Variants in AGMO observed in about 807,000 individuals in gnomAD.
The protein encoded by AGMO is alkylglycerol monooxygenase.
A neutral mutation model predicts 60.2 loss-of-function variants in AGMO; 75 were observed. The ratio of observed to expected loss-of-function variants is 1.25; its 90% CI spans 1.03 to 1.51. The LOEUF is 1.51. Among genes scored for constraint, AGMO ranks in the 40% most tolerant of loss-of-function variants. The pLI, the probability that AGMO is intolerant of heterozygous loss-of-function variation, is 0.00. For missense variants in AGMO, 763 were observed against 525.5 expected, an observed-to-expected ratio of 1.45 and a Z score of -4.42; for synonymous variants, 261 against 177.1, an observed-to-expected ratio of 1.47 and a Z score of -3.76.
chr7:15,241,421 C>A (rs1184698583), intron 12 of AGMO, among the ~76,000 whole-genome samples: 19 of 124,026 alleles, frequency 1.5e-4, no homozygotes, highest in African/African-American at 5.9e-4. Flanking sequence ...GATAGCGCCA[C>A]TGCAGTCCAG....
intron 5 of AGMO, among the ~76,000 whole-genome samples, chr7:15,405,264 C>T (rs956284103): frequency 5.9e-5 from 9 of 151,810 alleles, no homozygotes; most frequent in South Asian, 2.1e-4. Context: ...ACAATCAGTG[C>T]GTTCATTCAT....
intron 3 of AGMO, among the ~76,000 whole-genome samples, chr7:15,436,134 G>A (rs1348851921): frequency 1.3e-5 from 2 of 152,184 alleles, no homozygotes; most frequent in Admixed American, 6.5e-5. Context: ...TGACACCACT[G>A]AAATCATATT....
rs1160533074 is a variant in AGMO, at chr7:15,371,321, G to A, written c.1075-5099C>T. 4.2e-5 allele frequency among the ~76,000 whole-genome samples: 6 copies of A among 142,132 alleles called. No individual in the cohort carries two copies. The Admixed American group carries it at 4.3e-4, about 10-fold the overall frequency. The allele number at this position is 142,132 out of a possible 152,430, so 93.2% of individuals were successfully genotyped here. A position where few individuals can be genotyped will look rare whatever the true frequency, so the allele number is the denominator to read the frequency against. ...CGACAACCTCCCTTTCCAGCCTTAA[G>A]CTATTCTCCTGCCTCAGCCTCCAGA... On this transcript the variant is annotated intron_variant, in intron 10 of 12. Transcript: ENST00000342526.
chr7:15,478,545 G>A (rs1204644690), intron 3 of AGMO, among the ~76,000 whole-genome samples: 1 of 152,180 alleles, frequency 6.6e-6, no homozygotes, highest in Non-Finnish European at 1.5e-5. Context: ...CAATGTGGCT[G>A]TGACTTTCCC....
intron 12 of AGMO, among the ~76,000 whole-genome samples, chr7:15,202,920 G>A (rs759469724): frequency 1.3e-5 from 2 of 152,056 alleles, no homozygotes; most frequent in Non-Finnish European, 2.9e-5. Context: ...ATGCTGAGAG[G>A]GGCGCTGAGA....
At chr7:15,552,677 G>T (rs1784999241) in intron 2 of AGMO, among the ~76,000 whole-genome samples, 2 of 147,600 alleles carry the variant, frequency 1.4e-5, no homozygotes, top group African/African-American at 2.5e-5. Flanking sequence ...AACAACAGGT[G>T]CTGGAGAGGA....
intron 12 of AGMO, among the ~76,000 whole-genome samples, chr7:15,320,843 T>A (rs940950723): frequency 6.6e-6 from 1 of 152,222 alleles, no homozygotes; most frequent in Non-Finnish European, 1.5e-5. Flanking sequence ...ATGTTTAACA[T>A]AATTTTCAAA....
intron 2 of AGMO, among the ~76,000 whole-genome samples, chr7:15,550,430 AAAG>A (rs1784917568): frequency 6.6e-6 from 1 of 152,300 alleles, no homozygotes; most frequent in South Asian, 2.1e-4. Context: ...CAAGACTAAT[AAAG>A]AAGAAAAGAG....
chr7:15,144,892 C>A, the AGMO span, among the ~76,000 whole-genome samples: 2 of 152,172 alleles, frequency 1.3e-5, no homozygotes, highest in East Asian at 1.9e-4. Context: ...TGCAGTGGTG[C>A]GATCTCTGCT....
intron 8 of AGMO, among the ~76,000 whole-genome samples, chr7:15,389,334 G>A (rs1015668115): frequency 2.6e-5 from 4 of 152,078 alleles, no homozygotes; most frequent in Non-Finnish European, 5.9e-5. Context: ...GCAATAAGGA[G>A]ACAACTCCTA....
Position 15,201,243 on chromosome 7 carries a change from T to C in AGMO, c.*42A>G. Reference sequence around the variant, plus strand: ...TTAATATGCAGTCATAATATGCGTGTGGACAACTCATTAAAAGAAGAGAAT... The same window carrying C: ...TTAATATGCAGTCATAATATGCGTGCGGACAACTCATTAAAAGAAGAGAAT... On this transcript the variant is annotated 3_prime_UTR_variant, in exon 13 of 13. Coordinates refer to ENST00000342526, the MANE Select transcript of AGMO (RefSeq NM_001004320.2). 1 of 1,375,044 alleles carries C rather than the reference T, an allele frequency of 7.3e-7. No individual in the cohort carries two copies. The highest frequency in any genetic ancestry group is 1.0e-6 in the Non-Finnish European group (1 of 979,916). The allele number at this position is 1,375,044 out of a possible 1,614,324, so 85.2% of individuals were successfully genotyped here.
At chr7:15,490,521 T>G (rs1783042008) in intron 3 of AGMO, among the ~76,000 whole-genome samples, 1 of 152,084 alleles carries the variant, frequency 6.6e-6, no homozygotes, top group Admixed American at 6.5e-5. Context: ...CTTCCTTAAG[T>G]GTGTTGGGAT....
Position 15,248,793 on chromosome 7 carries a change from GACTTGAGC to G in AGMO, c.1264-47442_1264-47435del, listed in dbSNP as rs560072973. ...TTGTTCTGCTATTCTCAGAATTCTT[GACTTGAGC>G]CAAGTGCAGAGTCATTAAAGAGCTT... On this transcript the variant is annotated intron_variant, in intron 12 of 12. Transcript: ENST00000342526. Among the ~76,000 whole-genome samples the G allele has an allele frequency of 7.9e-5, 12 of 152,270 alleles. No homozygotes were observed. The South Asian group carries it at 2.5e-3, about 32-fold the overall frequency.
At chr7:15,144,907 G>A in the AGMO span, among the ~76,000 whole-genome samples, 1 of 152,212 alleles carries the variant, frequency 6.6e-6, no homozygotes, top group African/African-American at 2.4e-5. Context: ...TCTGCTCACT[G>A]CAAGCTCCGC....
chr7:15,138,410 G>C, the AGMO span, among the ~76,000 whole-genome samples: 1 of 152,106 alleles, frequency 6.6e-6, no homozygotes, highest in African/African-American at 2.4e-5. Flanking sequence ...GTGCCACTTG[G>C]ACAGGCTAAA....
At chr7:15,478,522 C>T (rs987454700) in intron 3 of AGMO, among the ~76,000 whole-genome samples, 2 of 152,138 alleles carry the variant, frequency 1.3e-5, no homozygotes, top group African/African-American at 4.8e-5. Context: ...CAGGAGAGTC[C>T]AGCATGTGCT....
intron 3 of AGMO, among the ~76,000 whole-genome samples, chr7:15,508,596 C>G (rs1330606764): frequency 6.6e-6 from 1 of 152,040 alleles, no homozygotes; most frequent in Non-Finnish European, 1.5e-5. Context: ...TGAATTCAAT[C>G]TAGTCCACAA....
chr7:15,284,224 C>A (rs1175686637), intron 12 of AGMO, among the ~76,000 whole-genome samples: 1 of 151,694 alleles, frequency 6.6e-6, no homozygotes, highest in Non-Finnish European at 1.5e-5. Context: ...AAATACACAA[C>A]AAAGATCAAA....
chr7:15,298,768 C>G (rs1784473553), intron 12 of AGMO, among the ~76,000 whole-genome samples: 1 of 152,084 alleles, frequency 6.6e-6, no homozygotes, highest in South Asian at 2.1e-4. Flanking sequence ...ATACCTGCCT[C>G]CAATCTAATA....
Sources: allele counts gnomAD v4.1 joint callset (sites outside exome capture counted in the v4.1 genomes callset), GRCh38; gene constraint gnomAD v4.1.1; transcripts MANE v1.5; gene names NCBI Gene and HGNC (gene_info 2026-07-23, HGNC 2026-07-21).